The following PPP4R4 variants were observed in gnomAD, a reference collection of about 807,000 sequenced individuals.
PPP4R4 encodes the protein protein phosphatase 4 regulatory subunit 4.
A neutral mutation model predicts 121.8 loss-of-function variants in PPP4R4; 70 were observed. That is an observed-to-expected ratio of 0.57 (90% CI 0.47 to 0.70). The LOEUF (loss-of-function observed/expected upper bound fraction) is 0.70, where lower values mean the gene tolerates loss of function less well. PPP4R4 is among the 30% of genes least tolerant of loss of function. The pLI, the probability that PPP4R4 is intolerant of heterozygous loss-of-function variation, is 0.00. For missense variants in PPP4R4, 875 were observed against 1,033.6 expected (o/e 0.85, Z 2.10); for synonymous variants, 348 against 355.7 (o/e 0.98, Z 0.24).
chr14:94,203,103 G>GA (rs1890279359), intron 2 of PPP4R4, among the ~76,000 whole-genome samples: 1 of 152,134 alleles, frequency 6.6e-6, no homozygotes, highest in Non-Finnish European at 1.5e-5. Flanking sequence ...ATCTTGACAG[G>GA]ATGTTGACAT....
At chr14:94,227,955 G>A (rs1891808579) in intron 3 of PPP4R4, 2 of 856,084 alleles carry the variant, frequency 2.3e-6, no homozygotes, top group Non-Finnish European at 2.8e-6. Flanking sequence ...AAACAAAGGG[G>A]TATGGGAGGA....
intron 17 of PPP4R4, 111 bp from the exon 18 acceptor site, chr14:94,258,672 C>G: frequency 1.4e-6 from 1 of 726,692 alleles, no homozygotes; most frequent in East Asian, 2.7e-5. Context: ...AGTCTTCCCC[C>G]TAGTGCAGAA....
chr14:94,265,015 G>T, intron 20 of PPP4R4, 68 bp downstream of exon 20: 3 of 1,228,468 alleles, frequency 2.4e-6, no homozygotes, highest in Non-Finnish European at 3.5e-6. Context: ...TATTCTGAAA[G>T]ACCATGCTGA....
intron 1 of PPP4R4, 23 bp from the exon 2 acceptor site, chr14:94,176,031 A>G (rs373056317): frequency 1.9e-6 from 3 of 1,585,950 alleles, no homozygotes; most frequent in Admixed American, 1.7e-5. Context: ...GTGGTGCATA[A>G]ATGTGTATTT....
intron 3 of PPP4R4, chr14:94,227,914 T>C (rs1891805684): frequency 1.0e-6 from 1 of 969,376 alleles, no homozygotes; most frequent in Non-Finnish European, 1.2e-6. Context: ...AAATTGTTAG[T>C]GTGGAAGAAA....
At chr14:94,231,393 G>A in intron 5 of PPP4R4, 78 bp downstream of exon 5, 1 of 1,277,656 alleles carries the variant, frequency 7.8e-7, no homozygotes, top group Non-Finnish European at 1.1e-6. Flanking sequence ...TGTCAAAAAT[G>A]GTTTTTAAAA....
At chr14:94,227,369 A>G (rs1566672363) in intron 3 of PPP4R4, 1 of 1,611,058 alleles carries the variant, frequency 6.2e-7, no homozygotes, top group Admixed American at 1.7e-5. Flanking sequence ...GTGGAGGAGA[A>G]CACTTACTGG....
At chr14:94,206,357 T>G (rs1410418738) in intron 2 of PPP4R4, among the ~76,000 whole-genome samples, 2 of 152,068 alleles carry the variant, frequency 1.3e-5, no homozygotes, top group African/African-American at 2.4e-5. Context: ...TACTGTTATA[T>G]TTGAAGTGAG....
chr14:94,262,265 A>G (rs181535724), intron 19 of PPP4R4, among the ~76,000 whole-genome samples: 1 of 152,058 alleles, frequency 6.6e-6, no homozygotes. Flanking sequence ...TCTGTTGTCA[A>G]TTTTGGTAAG....
chr14:94,272,898 G>A (rs1031352524), intron 23 of PPP4R4, among the ~76,000 whole-genome samples: 7 of 152,272 alleles, frequency 4.6e-5, no homozygotes, highest in Admixed American at 1.3e-4. Context: ...ATGCAAAGAT[G>A]TTCCTCATAT....
intron 3 of PPP4R4, among the ~76,000 whole-genome samples, chr14:94,210,645 T>C (rs1414139916): frequency 6.6e-6 from 1 of 152,026 alleles, no homozygotes; most frequent in Non-Finnish European, 1.5e-5. Context: ...GGTAGAAGAG[T>C]CCAGATTAGA....
intron 3 of PPP4R4, among the ~76,000 whole-genome samples, chr14:94,216,960 G>C (rs1445358306): frequency 1.3e-5 from 2 of 152,176 alleles, no homozygotes; most frequent in Non-Finnish European, 2.9e-5. Flanking sequence ...TCTGCCACCA[G>C]TGGGGATAGG....
chr14:94,204,492 A>G (rs549484710), intron 2 of PPP4R4, among the ~76,000 whole-genome samples: 2 of 152,216 alleles, frequency 1.3e-5, no homozygotes, highest in East Asian at 1.9e-4. Context: ...TAGCTATATA[A>G]TAAGTCTTAA....
At chr14:94,204,977 A>G (rs1890384143) in intron 2 of PPP4R4, among the ~76,000 whole-genome samples, 1 of 152,196 alleles carries the variant, frequency 6.6e-6, no homozygotes, top group Non-Finnish European at 1.5e-5. Flanking sequence ...AATAAACTTC[A>G]TTTGATCATG....
Position 94,231,292 on chromosome 14 carries a change from C to G in PPP4R4, c.493C>G (p.Pro165Ala). The change falls in exon 5 of 25, where the codon CCA becomes GCA. Residue 165 changes from proline to alanine, a missense_variant. By Grantham distance (27) the Pro-to-Ala change is conservative. Transcript: ENST00000304338. The stretch of plus-strand genomic sequence containing the variant: ...TCTTCTGTCTGTTATAGAAGTATTG[C>G]CAAAAGAAACCCTACGGCATGAGGT... ...ETLLSVIEVL[P>A]KETLRHEILN... 1.2e-6 allele frequency: 2 copies of G among 1,611,216 alleles called. No homozygotes were observed. The highest frequency in any genetic ancestry group is 1.1e-5 in the South Asian group (1 of 90,938).
intron 3 of PPP4R4, among the ~76,000 whole-genome samples, chr14:94,222,356 G>A (rs570718990): frequency 2.0e-5 from 3 of 151,700 alleles, no homozygotes; most frequent in African/African-American, 4.8e-5. Flanking sequence ...TTACAAAAAG[G>A]ACATATTATC....
intron 3 of PPP4R4, among the ~76,000 whole-genome samples, chr14:94,219,070 C>CT (rs1891238537): frequency 1.7e-5 from 2 of 118,146 alleles, no homozygotes; most frequent in African/African-American, 3.1e-5. Flanking sequence ...TTTTTTTTTT[C>CT]TTTTCTTTTC....
chr14:94,264,761 A>G, intron 19 of PPP4R4, 117 bp from the exon 20 acceptor site: 2 of 771,062 alleles, frequency 2.6e-6, no homozygotes, highest in Non-Finnish European at 4.4e-6. Flanking sequence ...GGAAAAAAAT[A>G]CTTCTTTTAG....
At chr14:94,256,362 A>C in intron 16 of PPP4R4, 98 bp from the exon 17 acceptor site, 2 of 958,962 alleles carry the variant, frequency 2.1e-6, no homozygotes, top group Non-Finnish European at 3.0e-6. Flanking sequence ...TGCATGAATA[A>C]ATGAACTCTC....
Sources: gnomAD v4.1 joint callset for allele counts (sites outside exome capture counted in the v4.1 genomes callset) on GRCh38, gnomAD v4.1.1 for gene constraint, MANE v1.5 for transcripts, NCBI Gene and HGNC (gene_info 2026-07-23, HGNC 2026-07-21) for gene names.